CAMK4: variants seen among roughly 807,000 people sequenced by gnomAD.
The protein encoded by CAMK4 is calcium/calmodulin dependent protein kinase IV.
A neutral mutation model predicts 44.9 loss-of-function variants in CAMK4; 22 were observed. The ratio of observed to expected loss-of-function variants is 0.49; its 90% CI spans 0.35 to 0.70. CAMK4 has a LOEUF of 0.70. Ranked by LOEUF, CAMK4 falls within the 30% of genes least tolerant of loss-of-function variation. The pLI, the probability that CAMK4 is intolerant of heterozygous loss-of-function variation, is 0.01. For synonymous variants in CAMK4, 218 were observed against 215.4 expected (o/e 1.01, Z -0.11); for missense variants, 498 against 586.8 (o/e 0.85, Z 1.56).
intron 5 of CAMK4, among the ~76,000 whole-genome samples, chr5:111,404,176 A>G (rs1361535672): frequency 6.6e-6 from 1 of 152,224 alleles, no homozygotes; most frequent in Non-Finnish European, 1.5e-5. Flanking sequence ...TGATGAAGAC[A>G]GTCTTAACAT....
intron 1 of CAMK4, among the ~76,000 whole-genome samples, chr5:111,322,069 A>T (rs746800512): frequency 6.6e-6 from 1 of 152,056 alleles, no homozygotes; most frequent in Non-Finnish European, 1.5e-5. Context: ...AACAACCTAG[A>T]CTATAGTTAT....
chr5:111,274,228 C>T (rs1234937641), intron 1 of CAMK4, among the ~76,000 whole-genome samples: 2 of 152,114 alleles, frequency 1.3e-5, no homozygotes, highest in South Asian at 2.1e-4. Flanking sequence ...TGATGTTCCT[C>T]TCCAATTCCT....
chr5:111,244,766 C>A (rs1448336508), intron 1 of CAMK4, among the ~76,000 whole-genome samples: 1 of 152,032 alleles, frequency 6.6e-6, no homozygotes, highest in Non-Finnish European at 1.5e-5. Flanking sequence ...GGGGCTGAGG[C>A]AAGAGAATTG....
rs947323451 is a variant in CAMK4, at chr5:111,375,430, C to G, written c.303+518C>G. ...TCCAGACAGCCTCTGAGGCAAAGATCTAGTAAAAAGCGTTCTTGAACTGAT... is the reference window on the plus strand; with the variant it reads ...TCCAGACAGCCTCTGAGGCAAAGATGTAGTAAAAAGCGTTCTTGAACTGAT... On this transcript the variant is annotated intron_variant, in intron 3 of 10. Transcript: ENST00000282356. 2.0e-5 allele frequency among the ~76,000 whole-genome samples: 3 copies of G among 152,082 alleles called. No individual in the cohort carries two copies. In the South Asian group the frequency reaches 6.2e-4, roughly 32 times the overall value.
At position 111,244,092 on chromosome 5, in the gene CAMK4, G is replaced by A. The variant is rs1462590273; in HGVS notation, c.161+19448G>A. ...GGTCTTCTGCACTTTTGTCTCTGAC[G>A]TACTTCCTTTCTTCACAAGTGCCAT... is the stretch of plus-strand genomic sequence containing the variant. On this transcript the variant is annotated intron_variant, in intron 1 of 10. Transcript: ENST00000282356. 3.3e-5 allele frequency among the ~76,000 whole-genome samples: 5 copies of A among 152,098 alleles called. No homozygotes were observed. The East Asian group carries it at 5.8e-4, about 18-fold the overall frequency.
chr5:111,404,997 G>A (rs1355509249), intron 5 of CAMK4, among the ~76,000 whole-genome samples: 1 of 152,102 alleles, frequency 6.6e-6, no homozygotes, highest in Non-Finnish European at 1.5e-5. Context: ...GAGATACAGA[G>A]GTCAAGAAAT....
intron 1 of CAMK4, among the ~76,000 whole-genome samples, chr5:111,285,525 A>G (rs918898185): frequency 3.9e-5 from 6 of 152,210 alleles, no homozygotes; most frequent in African/African-American, 1.4e-4. Context: ...TCCTCTACAT[A>G]ATGATGTCAC....
chr5:111,328,735 T>G (rs897742592), intron 1 of CAMK4, among the ~76,000 whole-genome samples: 1 of 152,094 alleles, frequency 6.6e-6, no homozygotes, highest in African/African-American at 2.4e-5. Flanking sequence ...ACATCCCTTG[T>G]AAGTTGGATT....
chr5:111,284,951 C>G (rs952317513), intron 1 of CAMK4, among the ~76,000 whole-genome samples: 1 of 152,168 alleles, frequency 6.6e-6, no homozygotes, highest in African/African-American at 2.4e-5. Flanking sequence ...TGGAACCTAA[C>G]TGTAAATCAG....
intron 5 of CAMK4, among the ~76,000 whole-genome samples, chr5:111,440,052 G>C (rs1482937794): frequency 6.6e-6 from 1 of 152,232 alleles, no homozygotes; most frequent in African/African-American, 2.4e-5. Flanking sequence ...AGTATAGCCA[G>C]AGAAAGCTGG....
chr5:111,410,727 T>A (rs986651387), intron 5 of CAMK4, among the ~76,000 whole-genome samples: 1 of 152,138 alleles, frequency 6.6e-6, no homozygotes, highest in Non-Finnish European at 1.5e-5. Flanking sequence ...TAATGGCTAA[T>A]TCAGGAGGGG....
chr5:111,283,486 T>C lies in CAMK4; in HGVS notation c.161+58842T>C, dbSNP rs531395722. Reference sequence around the variant, plus strand: ...AAGTATCAATGAATGAGCAGTTCTTTAAAGAATGCTCCACTATTATCCCCA... The same window carrying C: ...AAGTATCAATGAATGAGCAGTTCTTCAAAGAATGCTCCACTATTATCCCCA... On this transcript the variant is annotated intron_variant, in intron 1 of 10. Transcript: ENST00000282356. Among the ~76,000 whole-genome samples, 9 of 152,330 alleles carry C rather than the reference T, an allele frequency of 5.9e-5. No homozygotes were observed. The South Asian group carries it at 1.9e-3, about 32-fold the overall frequency.
chr5:111,243,219 T>C (rs759712603), intron 1 of CAMK4, among the ~76,000 whole-genome samples: 2 of 152,178 alleles, frequency 1.3e-5, no homozygotes, highest in Non-Finnish European at 2.9e-5. Context: ...AGTGGGATTT[T>C]ATAGCCAAGG....
chr5:111,362,636 G>T (rs1750638199), intron 2 of CAMK4, among the ~76,000 whole-genome samples: 1 of 151,898 alleles, frequency 6.6e-6, no homozygotes, highest in Non-Finnish European at 1.5e-5. Flanking sequence ...AATATGTGTT[G>T]ATTTCCTTCT....
intron 1 of CAMK4, among the ~76,000 whole-genome samples, chr5:111,327,832 C>G (rs1748968970): frequency 6.7e-6 from 1 of 149,582 alleles, no homozygotes; most frequent in Non-Finnish European, 1.5e-5. Flanking sequence ...TGTTCATATC[C>G]TTCGCCCACT....
chr5:111,333,582 G>A (rs1749268534), intron 1 of CAMK4, among the ~76,000 whole-genome samples: 1 of 151,514 alleles, frequency 6.6e-6, no homozygotes, highest in Non-Finnish European at 1.5e-5. Flanking sequence ...AGCTTCTTAC[G>A]CTTTTACTTT....
At position 111,478,993 on chromosome 5, in the gene CAMK4, T is replaced by G. The variant is rs116317591; in HGVS notation, c.828+486T>G. On this transcript the variant is annotated intron_variant, in intron 9 of 10. Coordinates refer to ENST00000282356, the MANE Select transcript of CAMK4 (RefSeq NM_001744.6). The stretch of plus-strand genomic sequence containing the variant: ...CCTGGGCTTAAGCAATCCTCCCACC[T>G]CCATCTCCTGAGTAGCTGGGACACA... Among the ~76,000 whole-genome samples, 762 of 152,262 alleles carry G rather than the reference T, an allele frequency of 5.0e-3. 8 individuals carry two copies. The highest frequency in any genetic ancestry group is 0.017 in the African/African-American group (721 of 41,542).
intron 1 of CAMK4, among the ~76,000 whole-genome samples, chr5:111,295,341 A>C (rs1747438498): frequency 6.6e-6 from 1 of 152,222 alleles, no homozygotes; most frequent in Admixed American, 6.5e-5. Context: ...TAGATGCAGC[A>C]CCATGCTCAC....
At chr5:111,381,011 T>C (rs306123) in intron 4 of CAMK4, among the ~76,000 whole-genome samples, 139,604 of 152,164 alleles carry the variant, frequency 0.92, 64,159 homozygotes, top group East Asian at 1. Flanking sequence ...ACCCTCAATG[T>C]CAACTTCTGT....
Sources: gnomAD v4.1 joint callset for allele counts (sites outside exome capture counted in the v4.1 genomes callset) on GRCh38, gnomAD v4.1.1 for gene constraint, MANE v1.5 for transcripts, NCBI Gene and HGNC (gene_info 2026-07-23, HGNC 2026-07-21) for gene names.